The following SCHIP1 variants were observed in gnomAD, a reference collection of about 807,000 sequenced individuals.
SCHIP1 encodes the protein schwannomin interacting protein 1.
Under a neutral mutation model 29.7 loss-of-function variants are expected in SCHIP1, and 8 were observed. The ratio of observed to expected loss-of-function variants is 0.27; its 90% CI spans 0.16 to 0.49. The LOEUF (loss-of-function observed/expected upper bound fraction) is 0.49. Among genes scored for constraint, SCHIP1 ranks in the 20% least tolerant of loss-of-function variants. The pLI, the probability that SCHIP1 is intolerant of heterozygous loss-of-function variation, is 0.99. For missense variants in SCHIP1, 193 were observed against 294.6 expected (o/e 0.66, Z 2.52); for synonymous variants, 76 against 94.9 (o/e 0.80, Z 1.16).
the SCHIP1 span, among the ~76,000 whole-genome samples, chr3:159,807,076 T>C: frequency 6.6e-6 from 1 of 152,228 alleles, no homozygotes; most frequent in South Asian, 2.1e-4. Context: ...TAGTTCTACA[T>C]TTCAGTTGAC....
the SCHIP1 span, among the ~76,000 whole-genome samples, chr3:159,785,991 T>C: frequency 6.6e-6 from 1 of 152,242 alleles, no homozygotes; most frequent in Non-Finnish European, 1.5e-5. Context: ...TTTTTTGTTG[T>C]TTTAAACATC....
chr3:159,659,021 C>A, the SCHIP1 span, among the ~76,000 whole-genome samples: 2 of 152,200 alleles, frequency 1.3e-5, no homozygotes, highest in African/African-American at 2.4e-5. Context: ...ATGCCTCTCT[C>A]ACTTAATGAA....
At chr3:159,853,595 A>T (rs1712945970) in intron 1 of SCHIP1, 2 of 485,112 alleles carry the variant, frequency 4.1e-6, no homozygotes, top group Non-Finnish European at 7.2e-6. Flanking sequence ...AAATGCACAG[A>T]ATCAAATGCA....
At chr3:159,712,473 T>C in the SCHIP1 span, among the ~76,000 whole-genome samples, 1 of 151,614 alleles carries the variant, frequency 6.6e-6, no homozygotes, top group South Asian at 2.1e-4. Context: ...TCCCAACAGT[T>C]TGGGAGGCTG....
the SCHIP1 span, among the ~76,000 whole-genome samples, chr3:159,698,726 C>T: frequency 2.6e-5 from 4 of 152,068 alleles, no homozygotes; most frequent in Non-Finnish European, 5.9e-5. Flanking sequence ...GCAACCTCCA[C>T]CTCCTGGGTT....
chr3:159,645,360 T>C, the SCHIP1 span, among the ~76,000 whole-genome samples: 1 of 152,112 alleles, frequency 6.6e-6, no homozygotes, highest in Non-Finnish European at 1.5e-5. Context: ...AGCCAAAAAG[T>C]GCTTATCACA....
chr3:159,529,111 C>A, the SCHIP1 span, among the ~76,000 whole-genome samples: 8 of 152,078 alleles, frequency 5.3e-5, no homozygotes, highest in Admixed American at 1.3e-4. Context: ...TACATTTCTG[C>A]AGTTATTTTA....
chr3:159,330,177 G>A, the SCHIP1 span, among the ~76,000 whole-genome samples: 1 of 152,144 alleles, frequency 6.6e-6, no homozygotes, highest in Admixed American at 6.6e-5. Context: ...TCAAGAGGCA[G>A]TTACAGTCAT....
the SCHIP1 span, among the ~76,000 whole-genome samples, chr3:159,772,801 C>T: frequency 5.2e-3 from 798 of 152,234 alleles, 11 homozygotes; most frequent in African/African-American, 0.018. Flanking sequence ...AGTACAGTGG[C>T]GCAATCTCAG....
At chr3:159,587,820 A>C in the SCHIP1 span, among the ~76,000 whole-genome samples, 2 of 152,300 alleles carry the variant, frequency 1.3e-5, no homozygotes, top group African/African-American at 4.8e-5. Context: ...ATGGCTGCAT[A>C]GTATTCCATG....
At chr3:159,665,822 C>T in the SCHIP1 span, among the ~76,000 whole-genome samples, 175 of 152,276 alleles carry the variant, frequency 1.1e-3, 2 homozygotes, top group African/African-American at 4.1e-3. Flanking sequence ...AGAAAACAGA[C>T]TCTGAAGGGG....
At chr3:159,760,395 A>G in the SCHIP1 span, among the ~76,000 whole-genome samples, 1 of 152,176 alleles carries the variant, frequency 6.6e-6, no homozygotes, top group Non-Finnish European at 1.5e-5. Flanking sequence ...ACCTTGACCA[A>G]AGGATACTAA....
At chr3:159,504,493 G>A in the SCHIP1 span, among the ~76,000 whole-genome samples, 1 of 152,026 alleles carries the variant, frequency 6.6e-6, no homozygotes, top group Non-Finnish European at 1.5e-5. Context: ...CATTCAACAG[G>A]AAACTAATTC....
the SCHIP1 span, among the ~76,000 whole-genome samples, chr3:159,750,591 C>A: frequency 6.6e-6 from 1 of 151,976 alleles, no homozygotes; most frequent in Non-Finnish European, 1.5e-5. Context: ...CTATCCTTGG[C>A]CTGATGAAAA....
the SCHIP1 span, among the ~76,000 whole-genome samples, chr3:159,627,139 C>A: frequency 6.6e-6 from 1 of 152,096 alleles, no homozygotes; most frequent in African/African-American, 2.4e-5. Context: ...GTTTGGTTTT[C>A]TGTTCCTGTG....
chr3:159,821,404 G>A, the SCHIP1 span, among the ~76,000 whole-genome samples: 1 of 152,186 alleles, frequency 6.6e-6, no homozygotes, highest in African/African-American at 2.4e-5. Context: ...GAATTTAAAT[G>A]AGACCAGTTA....
the SCHIP1 span, among the ~76,000 whole-genome samples, chr3:159,756,598 T>A: frequency 6.6e-6 from 1 of 152,246 alleles, no homozygotes; most frequent in African/African-American, 2.4e-5. Flanking sequence ...CAGCTCCTTG[T>A]TACTTATGCA....
the SCHIP1 span, among the ~76,000 whole-genome samples, chr3:159,468,435 A>G: frequency 6.6e-6 from 1 of 152,008 alleles, no homozygotes; most frequent in African/African-American, 2.4e-5. Context: ...CCTATATGAC[A>G]TGCAACCATT....
chr3:159,375,789 G>T, the SCHIP1 span: 10 of 887,890 alleles, frequency 1.1e-5, no homozygotes, highest in African/African-American at 1.8e-5. Context: ...ACTAGGATGG[G>T]TTTTTGGAGT....
Sources: gnomAD v4.1 joint callset for allele counts (sites outside exome capture counted in the v4.1 genomes callset) on GRCh38, gnomAD v4.1.1 for gene constraint, MANE v1.5 for transcripts, NCBI Gene and HGNC (gene_info 2026-07-23, HGNC 2026-07-21) for gene names.